Variants in FHIT observed in about 807,000 individuals in gnomAD.
The protein encoded by FHIT is fragile histidine triad diadenosine triphosphatase.
In FHIT, 19 loss-of-function variants were observed where a neutral mutation model predicts 17.9. The observed-to-expected ratio is 1.06, with a 90% CI of 0.74 to 1.56. FHIT has a LOEUF of 1.56. Among genes scored for constraint, FHIT ranks in the 40% most tolerant of loss-of-function variants. FHIT has a pLI of 0.00. For missense variants in FHIT, 248 were observed against 189.2 expected (o/e 1.31, Z -1.82); for synonymous variants, 81 against 69.7 (o/e 1.16, Z -0.81).
At chr3:60,247,133 A>G (rs549608720) in intron 5 of FHIT, among the ~76,000 whole-genome samples, 4 of 152,134 alleles carry the variant, frequency 2.6e-5, no homozygotes, top group African/African-American at 9.7e-5. Flanking sequence ...AATATTGATA[A>G]GTATATGTGG....
At chr3:60,974,879 A>C (rs1710170096) in intron 3 of FHIT, among the ~76,000 whole-genome samples, 1 of 152,184 alleles carries the variant, frequency 6.6e-6, no homozygotes, top group East Asian at 1.9e-4. Context: ...TTCCAAAGTT[A>C]GAGTATTATT....
chr3:60,676,591 A>G (rs1434466537), intron 4 of FHIT, among the ~76,000 whole-genome samples: 1 of 152,216 alleles, frequency 6.6e-6, no homozygotes, highest in Non-Finnish European at 1.5e-5. Context: ...TGTGTCACCT[A>G]GAGAACACAA....
At chr3:61,152,607 A>G (rs1007487389) in intron 2 of FHIT, among the ~76,000 whole-genome samples, 1 of 152,196 alleles carries the variant, frequency 6.6e-6, no homozygotes, top group Non-Finnish European at 1.5e-5. Context: ...AGAAAGAGGT[A>G]GAGCTAGAGA....
At chr3:60,002,611 A>G (rs1334256744) in intron 7 of FHIT, among the ~76,000 whole-genome samples, 1 of 152,214 alleles carries the variant, frequency 6.6e-6, no homozygotes, top group East Asian at 1.9e-4. Context: ...AAATGTCCTC[A>G]GGAAGGTCAT....
chr3:60,779,714 G>C (rs1700320773), intron 4 of FHIT, among the ~76,000 whole-genome samples: 1 of 151,840 alleles, frequency 6.6e-6, no homozygotes, highest in Non-Finnish European at 1.5e-5. Flanking sequence ...TGAATTCCAA[G>C]CTTCACATCA....
chr3:60,869,637 T>G (rs893932047), intron 3 of FHIT, among the ~76,000 whole-genome samples: 3 of 152,112 alleles, frequency 2.0e-5, no homozygotes, highest in Non-Finnish European at 4.4e-5. Flanking sequence ...CACGGAGCCA[T>G]GTAGTAGCCA....
intron 8 of FHIT, among the ~76,000 whole-genome samples, chr3:59,842,532 C>G (rs562579433): frequency 2.0e-5 from 3 of 152,114 alleles, no homozygotes; most frequent in Non-Finnish European, 4.4e-5. Context: ...ACACTCCCAC[C>G]AACAGTGCAC....
intron 2 of FHIT, among the ~76,000 whole-genome samples, chr3:61,198,895 CGATGAT>C (rs56054524): frequency 0.5 from 75,364 of 150,464 alleles, 20,356 homozygotes; most frequent in East Asian, 0.67. Context: ...CTGCCGCCGC[CGATGAT>C]GATGATGATG....
At chr3:61,038,529 A>T (rs539183922) in intron 3 of FHIT, among the ~76,000 whole-genome samples, 1 of 152,356 alleles carries the variant, frequency 6.6e-6, no homozygotes, top group East Asian at 1.9e-4. Context: ...GACATTTTCA[A>T]GTCAGTTGGG....
intron 2 of FHIT, among the ~76,000 whole-genome samples, chr3:61,195,328 T>G (rs1444815341): frequency 6.6e-6 from 1 of 152,096 alleles, no homozygotes; most frequent in African/African-American, 2.4e-5. Context: ...CACCCACTAG[T>G]GTGATGATCT....
At chr3:60,583,729 GT>G (rs2037819987) in intron 4 of FHIT, among the ~76,000 whole-genome samples, 1 of 152,094 alleles carries the variant, frequency 6.6e-6, no homozygotes, top group Non-Finnish European at 1.5e-5. Context: ...TGAATAAGGT[GT>G]CCTGTATTCA....
intron 4 of FHIT, among the ~76,000 whole-genome samples, chr3:60,776,682 T>A (rs1700226418): frequency 6.6e-6 from 1 of 152,216 alleles, no homozygotes; most frequent in African/African-American, 2.4e-5. Flanking sequence ...TTAAAGCAAC[T>A]TAACAAGTTT....
chr3:60,764,247 G>GCACACACA (rs58044669), intron 4 of FHIT, among the ~76,000 whole-genome samples: 10 of 149,846 alleles, frequency 6.7e-5, no homozygotes, highest in African/African-American at 2.2e-4. Context: ...GTAGGAAAAT[G>GCACACACA]CACACACACA....
At chr3:59,852,695 T>C (rs1441419876) in intron 8 of FHIT, among the ~76,000 whole-genome samples, 5 of 152,162 alleles carry the variant, frequency 3.3e-5, no homozygotes, top group Admixed American at 2.0e-4. Context: ...CCCTCCCTCC[T>C]AATCCTTGGC....
chr3:60,880,782 A>G (rs1039311883), intron 3 of FHIT, among the ~76,000 whole-genome samples: 2 of 152,334 alleles, frequency 1.3e-5, no homozygotes, highest in East Asian at 3.9e-4. Context: ...AGTAGAGCAG[A>G]TACACAGAAA....
intron 3 of FHIT, among the ~76,000 whole-genome samples, chr3:60,983,324 G>C: frequency 6.6e-6 from 1 of 152,144 alleles, no homozygotes; most frequent in Non-Finnish European, 1.5e-5. Context: ...CAAGCAGATA[G>C]ATACAAGGGT....
At chr3:60,920,872 T>TA (rs1233056777) in intron 3 of FHIT, among the ~76,000 whole-genome samples, 7 of 152,192 alleles carry the variant, frequency 4.6e-5, no homozygotes, top group Non-Finnish European at 1.0e-4. Context: ...AGGGAGGCAT[T>TA]AGAGAGTTTT....
At chr3:61,110,674 A>C (rs2036132410) in intron 2 of FHIT, among the ~76,000 whole-genome samples, 1 of 152,012 alleles carries the variant, frequency 6.6e-6, no homozygotes, top group Non-Finnish European at 1.5e-5. Context: ...TTTACTAAAA[A>C]CTCATCCGTC....
chr3:60,871,577 G>C (rs797038816), intron 3 of FHIT, among the ~76,000 whole-genome samples: 12 of 152,200 alleles, frequency 7.9e-5, no homozygotes, highest in African/African-American at 2.6e-4. Flanking sequence ...ATAAGGAAGG[G>C]GCCCAGGAAT....
Sources: allele counts gnomAD v4.1 joint callset (sites outside exome capture counted in the v4.1 genomes callset), GRCh38; gene constraint gnomAD v4.1.1; transcripts MANE v1.5; gene names NCBI Gene and HGNC (gene_info 2026-07-23, HGNC 2026-07-21).